Variants in MCPH1 observed in about 807,000 individuals in gnomAD.
MCPH1 encodes microcephalin 1, also known as microcephalin.
A neutral mutation model predicts 84.5 loss-of-function variants in MCPH1; 104 were observed. The observed-to-expected ratio is 1.23, with a 90% CI of 1.05 to 1.45. The LOEUF is 1.45. Ranked by LOEUF, MCPH1 falls within the 40% of genes most tolerant of loss-of-function variation. The pLI, the probability that MCPH1 is intolerant of heterozygous loss-of-function variation, is 0.00. For synonymous variants in MCPH1, 514 were observed against 366.8 expected (o/e 1.40, Z -4.58); for missense variants, 1,498 against 1,005.7 (o/e 1.49, Z -6.62).
At chr8:6,451,050 A>T (rs1805030017) in intron 8 of MCPH1, among the ~76,000 whole-genome samples, 1 of 152,210 alleles carries the variant, frequency 6.6e-6, no homozygotes, top group Non-Finnish European at 1.5e-5. Context: ...TTCAAGAGGA[A>T]CTGTGAATTA....
At chr8:6,534,108 T>A (rs1220336948) in intron 12 of MCPH1, among the ~76,000 whole-genome samples, 2 of 152,112 alleles carry the variant, frequency 1.3e-5, no homozygotes, top group East Asian at 1.9e-4. Context: ...CCCGTGGATA[T>A]TGGATGGGTC....
chr8:6,520,061 C>G (rs1586315651), intron 12 of MCPH1: 2 of 1,557,256 alleles, frequency 1.3e-6, no homozygotes, highest in Non-Finnish European at 1.8e-6. Flanking sequence ...ATTTCAAGAG[C>G]CAATCATTTG....
intron 12 of MCPH1, among the ~76,000 whole-genome samples, chr8:6,594,375 T>C (rs1342645186): frequency 6.6e-6 from 1 of 152,232 alleles, no homozygotes; most frequent in Non-Finnish European, 1.5e-5. Context: ...GAGTTTTCAC[T>C]GCAGTGCAGC....
intron 12 of MCPH1, among the ~76,000 whole-genome samples, chr8:6,552,390 A>G (rs992352807): frequency 2.0e-5 from 3 of 152,234 alleles, no homozygotes; most frequent in Non-Finnish European, 4.4e-5. Flanking sequence ...TATGCAGAAT[A>G]CAGACATTTT....
chr8:6,415,888 C>G (rs919893588), intron 3 of MCPH1, among the ~76,000 whole-genome samples: 2 of 152,130 alleles, frequency 1.3e-5, no homozygotes, highest in African/African-American at 4.8e-5. Flanking sequence ...TGTATTGAAT[C>G]TCTAATTAGG....
intron 2 of MCPH1, among the ~76,000 whole-genome samples, chr8:6,413,711 A>C (rs564914059): frequency 6.6e-6 from 1 of 150,640 alleles, no homozygotes; most frequent in African/African-American, 2.4e-5. Flanking sequence ...TTAGGATCCT[A>C]TTAAAAAATA....
chr8:6,624,552 TGTGAA>T (rs540579352), intron 13 of MCPH1, among the ~76,000 whole-genome samples: 60 of 152,374 alleles, frequency 3.9e-4, no homozygotes, highest in Admixed American at 2.4e-3. Flanking sequence ...TTTTTCTCTT[TGTGAA>T]GTGAATTCCA....
intron 12 of MCPH1, among the ~76,000 whole-genome samples, chr8:6,567,483 T>A (rs1826294444): frequency 6.6e-6 from 1 of 152,158 alleles, no homozygotes; most frequent in African/African-American, 2.4e-5. Context: ...CGGGATAGAA[T>A]AGGTGCTTAG....
chr8:6,577,190 T>C (rs1295464291), intron 12 of MCPH1, among the ~76,000 whole-genome samples: 2 of 152,224 alleles, frequency 1.3e-5, no homozygotes, highest in Non-Finnish European at 2.9e-5. Context: ...CCAGCGCCTC[T>C]TCCTCAGAGC....
In MCPH1 at chr8:6,422,723, C is replaced by G. The variant is rs186829796; in HGVS notation, c.233+7840C>G. ...TCTTTTCTGGAGACTGAGTCTCACTCTCTTGCCCAAGCTGGAGTGCAGTGG... is the reference window on the plus strand; with the variant it reads ...TCTTTTCTGGAGACTGAGTCTCACTGTCTTGCCCAAGCTGGAGTGCAGTGG... On this transcript the variant is annotated intron_variant, in intron 3 of 13. Transcript: ENST00000344683. 1.8e-3 allele frequency among the ~76,000 whole-genome samples: 278 copies of G among 152,304 alleles called. 2 individuals are homozygous for G. The highest frequency in any genetic ancestry group is 6.5e-3 in the African/African-American group (272 of 41,562).
At chr8:6,460,046 G>A (rs2440405) in intron 9 of MCPH1, among the ~76,000 whole-genome samples, 151,547 of 152,282 alleles carry the variant, frequency 1, 75,407 homozygotes, top group Middle Eastern at 1. Context: ...GTTGTACCAG[G>A]GTATTGTTTT....
intron 6 of MCPH1, among the ~76,000 whole-genome samples, chr8:6,440,496 A>T (rs904717663): frequency 1.3e-5 from 2 of 152,208 alleles, no homozygotes; most frequent in African/African-American, 4.8e-5. Context: ...AGTAGCTAGG[A>T]ATACAGGTGT....
chr8:6,423,780 A>G (rs1219250865), intron 3 of MCPH1, among the ~76,000 whole-genome samples: 1 of 152,244 alleles, frequency 6.6e-6, no homozygotes, highest in Non-Finnish European at 1.5e-5. Flanking sequence ...ATCTTCTGGA[A>G]GGAGTGTACT....
intron 13 of MCPH1, chr8:6,624,850 C>T (rs1056282050): frequency 1.0e-6 from 1 of 984,896 alleles, no homozygotes; most frequent in African/African-American, 1.7e-5. Flanking sequence ...TTTGCTTATT[C>T]TCTAACCAGA....
Position 6,495,189 on chromosome 8 carries a change from C to T in MCPH1, c.2137-4663C>T, listed in dbSNP as rs186545428. Among the ~76,000 whole-genome samples, 12 of 152,268 alleles carry T rather than the reference C, an allele frequency of 7.9e-5. No individual in the cohort carries two copies. In the East Asian group the frequency reaches 2.3e-3, roughly 29 times the overall value. Reference sequence around the variant, plus strand: ...TATTATTTTGTTGTTAAAAATTATACTATTGACATCCCCAATTTTTTCTCC... The same window carrying T: ...TATTATTTTGTTGTTAAAAATTATATTATTGACATCCCCAATTTTTTCTCC... On this transcript the variant is annotated intron_variant, in intron 11 of 13. Coordinates refer to ENST00000344683, the MANE Select transcript of MCPH1 (RefSeq NM_024596.5).
intron 13 of MCPH1, among the ~76,000 whole-genome samples, chr8:6,641,169 T>A (rs141395649): frequency 6.6e-6 from 1 of 152,238 alleles, no homozygotes. Flanking sequence ...TTGGATTACA[T>A]TGAATTTCTA....
chr8:6,477,275 T>C (rs977364473), intron 9 of MCPH1: 1 of 310,670 alleles, frequency 3.2e-6, no homozygotes, highest in Non-Finnish European at 6.0e-6. Flanking sequence ...CTTTCTCACT[T>C]TGAAGTGCAT....
In MCPH1 at chr8:6,524,212, C is replaced by T. The variant is rs576715270; in HGVS notation, c.2214+24283C>T. Among the ~76,000 whole-genome samples the T allele has an allele frequency of 7.2e-5, 11 of 151,972 alleles. No homozygotes were observed. In the South Asian group the frequency reaches 1.5e-3, roughly 20 times the overall value. The stretch of plus-strand genomic sequence containing the variant: ...ACCTCATATTCCCTTTTTTGAGTCC[C>T]GTATAAGTCAGCTGTCTTATTTAAT... On this transcript the variant is annotated intron_variant, in intron 12 of 13. Coordinates refer to ENST00000344683, the MANE Select transcript of MCPH1 (RefSeq NM_024596.5).
At chr8:6,483,738 T>C (rs763012809) in intron 11 of MCPH1, among the ~76,000 whole-genome samples, 1 of 152,160 alleles carries the variant, frequency 6.6e-6, no homozygotes, top group Admixed American at 6.5e-5. Context: ...CACCTGCCTG[T>C]AATCCCAGCT....
Sources: allele counts gnomAD v4.1 joint callset (sites outside exome capture counted in the v4.1 genomes callset), GRCh38; gene constraint gnomAD v4.1.1; transcripts MANE v1.5; gene names NCBI Gene and HGNC (gene_info 2026-07-23, HGNC 2026-07-21).